IGFL4: variants seen among roughly 807,000 people sequenced by gnomAD.
IGFL4 encodes IGF like family member 4.
A neutral mutation model predicts 15.4 loss-of-function variants in IGFL4; 12 were observed. That is an observed-to-expected ratio of 0.78 (90% confidence interval 0.50 to 1.26). IGFL4 has a LOEUF of 1.26. Among genes scored for constraint, IGFL4 ranks in the 50% most tolerant of loss-of-function variants. The probability of loss-of-function intolerance (pLI) is 0.00; values close to 1 mark genes in which losing one functional copy is unlikely to be tolerated. For synonymous variants in IGFL4, 54 were observed against 55.9 expected (o/e 0.97, Z 0.16); for missense variants, 126 against 147.8 (o/e 0.85, Z 0.76).
At chr19:46,046,629 C>A (rs181670837) in intron 2 of IGFL4, among the ~76,000 whole-genome samples, 1 of 152,262 alleles carries the variant, frequency 6.6e-6, no homozygotes, top group East Asian at 1.9e-4. Context: ...ACCAAACAGA[C>A]TTTAAACCAA....
At chr19:46,074,653 T>C (rs1183183962) in intron 1 of IGFL4, among the ~76,000 whole-genome samples, 1 of 152,018 alleles carries the variant, frequency 6.6e-6, no homozygotes, top group African/African-American at 2.4e-5. Flanking sequence ...GCTGAGACAG[T>C]CTAGTCTTTT....
chr19:46,039,763 A>T lies in IGFL4; in HGVS notation c.*129T>A. On this transcript the variant is annotated 3_prime_UTR_variant, in exon 4 of 4. Coordinates refer to ENST00000377697, the MANE Select transcript of IGFL4 (RefSeq NM_001002923.3). ...ATTTTGTATCCTGAGACTTTGCTGA[A>T]GTTGCTTATTTGCACTCCAGCCTGG... 1.3e-6 allele frequency: 1 copy of T among 786,768 alleles called. No homozygotes were observed. Among genetic ancestry groups the T allele is most frequent in the Non-Finnish European group, 2.2e-6 (1 of 445,336 alleles). The allele number at this position is 786,768 out of a possible 1,614,324, so 48.7% of individuals were successfully genotyped here.
chr19:46,049,461 G>A (rs1969325778), intron 2 of IGFL4, among the ~76,000 whole-genome samples: 1 of 152,120 alleles, frequency 6.6e-6, no homozygotes, highest in Non-Finnish European at 1.5e-5. Flanking sequence ...TTTGGGTTGT[G>A]GGCTGCATGG....
chr19:46,064,512 C>G (rs956674051), intron 1 of IGFL4, among the ~76,000 whole-genome samples: 5 of 152,178 alleles, frequency 3.3e-5, no homozygotes, highest in African/African-American at 1.2e-4. Flanking sequence ...TCCTTCTAAT[C>G]TCTATCTCCA....
chr19:46,048,989 C>T (rs568230252), intron 2 of IGFL4, among the ~76,000 whole-genome samples: 67 of 152,246 alleles, frequency 4.4e-4, no homozygotes, highest in South Asian at 2.5e-3. Flanking sequence ...AGAACAAAGC[C>T]AGAGGCATCA....
chr19:46,042,636 TTTATTACTTACAC>T (rs1370080469), upstream of IGFL4, among the ~76,000 whole-genome samples: 1 of 152,212 alleles, frequency 6.6e-6, no homozygotes, highest in Non-Finnish European at 1.5e-5. Context: ...ATTCAGACAC[TTTATTACTTACAC>T]AGACAGGGAA....
chr19:46,058,831 A>G (rs1489092252), intron 2 of IGFL4: 1 of 152,218 alleles, frequency 6.6e-6, no homozygotes, highest in African/African-American at 2.4e-5. Flanking sequence ...GGGATGCAGG[A>G]TATCAAGTCC....
intron 1 of IGFL4, among the ~76,000 whole-genome samples, chr19:46,074,405 T>C (rs1438583253): frequency 1.3e-5 from 2 of 151,974 alleles, no homozygotes; most frequent in Admixed American, 1.3e-4. Flanking sequence ...TTATAATTAA[T>C]GTATGTATAT....
chr19:46,040,482 T>C lies in IGFL4; in HGVS notation c.70+36A>G. On this transcript the variant is annotated intron_variant, in intron 2 of 3. Coordinates refer to ENST00000377697, the MANE Select transcript of IGFL4 (RefSeq NM_001002923.3). The surrounding 1 kb of genome is among the most constrained non-coding windows in gnomAD (Gnocchi z 4.1). ...AGGACCACCTCCCCACCAACCTTAA[T>C]GCTGTTCTCTCCTCCCTCACTGCAT... 1 of 1,614,120 alleles carries C rather than the reference T, an allele frequency of 6.2e-7. No individual in the cohort carries two copies. The highest frequency in any genetic ancestry group is 8.5e-7 in the Non-Finnish European group (1 of 1,179,966).
chr19:46,063,403 A>G (rs1035254), intron 1 of IGFL4, among the ~76,000 whole-genome samples: 80,153 of 151,516 alleles, frequency 0.53, 21,557 homozygotes, highest in Non-Finnish European at 0.55. Flanking sequence ...TGTCATCACT[A>G]ACTCAGTTCA....
intron 2 of IGFL4, among the ~76,000 whole-genome samples, chr19:46,051,235 A>G (rs566080245): frequency 6.6e-6 from 1 of 152,338 alleles, no homozygotes; most frequent in African/African-American, 2.4e-5. Context: ...CACAAATCTT[A>G]CAGGACCTAT....
chr19:46,071,362 T>C (rs1423545333), intron 1 of IGFL4, among the ~76,000 whole-genome samples: 1 of 152,198 alleles, frequency 6.6e-6, no homozygotes, highest in East Asian at 1.9e-4. Flanking sequence ...AAGGCCACCC[T>C]CTTTCTGGTT....
At chr19:46,055,889 G>A (rs538225962) in intron 2 of IGFL4, among the ~76,000 whole-genome samples, 2 of 152,178 alleles carry the variant, frequency 1.3e-5, no homozygotes, top group South Asian at 4.1e-4. Context: ...TGATTCTCCC[G>A]CCTCAGCCTC....
upstream of IGFL4, among the ~76,000 whole-genome samples, chr19:46,044,352 C>A (rs377459802): frequency 6.6e-6 from 1 of 152,174 alleles, no homozygotes; most frequent in Non-Finnish European, 1.5e-5. Flanking sequence ...ATACATATTT[C>A]TATGAAGGGG....
chr19:46,042,814 C>A (rs910149917), upstream of IGFL4, among the ~76,000 whole-genome samples: 2 of 152,168 alleles, frequency 1.3e-5, no homozygotes, highest in Non-Finnish European at 2.9e-5. Context: ...AGCCTCATCC[C>A]TCCCTAGAAG....
At position 46,040,160 on chromosome 19, in the gene IGFL4, G is replaced by A. The variant is rs763538024; in HGVS notation, c.327C>T (p.Ala109=). 1.2e-6 allele frequency: 2 copies of A among 1,613,618 alleles called. No homozygotes were observed. Among genetic ancestry groups the A allele is most frequent in the Non-Finnish European group, 1.7e-6 (2 of 1,179,984 alleles). ...TGGACTGGAGTCAGATCCTTACCTG[G>A]GCACAGATCCTGGTGATAGGGGAGG... ...CKSSPITRIC[A]QEYHPKSPVS... is the part of the protein sequence containing the mutation. The change falls in exon 3 of 4, where the codon GCC becomes GCT. Residue 109 remains alanine, a synonymous_variant. Transcript: ENST00000377697. This position sits in a 1 kb window ranked among gnomAD's most constrained non-coding sequence, Gnocchi z 4.1.
At chr19:46,045,232 C>G (rs1408106488), upstream of IGFL4, among the ~76,000 whole-genome samples, 2 of 152,070 alleles carry the variant, frequency 1.3e-5, no homozygotes, top group South Asian at 2.1e-4. Context: ...ATCACGAGGT[C>G]AGGAGTTAGA....
chr19:46,063,058 C>G (rs188574753), intron 1 of IGFL4: 1 of 152,274 alleles, frequency 6.6e-6, no homozygotes, highest in African/African-American at 2.4e-5. Context: ...AGGAAGGATT[C>G]TAATCTGCCT....
chr19:46,065,886 A>AGGAGTTT (rs1969490138), intron 1 of IGFL4, among the ~76,000 whole-genome samples: 2 of 152,364 alleles, frequency 1.3e-5, no homozygotes, highest in East Asian at 3.9e-4. Flanking sequence ...GGAAGCAGCC[A>AGGAGTTT]GGAACCAGTT....
Sources: allele counts gnomAD v4.1 joint callset (sites outside exome capture counted in the v4.1 genomes callset), GRCh38; gene constraint gnomAD v4.1.1; non-coding constraint Gnocchi (gnomAD v3.1); transcripts MANE v1.5; gene names NCBI Gene and HGNC (gene_info 2026-07-23, HGNC 2026-07-21).